PTK2: variants seen among roughly 807,000 people sequenced by gnomAD.
PTK2 encodes focal adhesion kinase 1.
PTK2 carries 45 observed loss-of-function variants against 150.1 expected under a neutral mutation model. The ratio of observed to expected loss-of-function variants is 0.30; its 90% confidence interval spans 0.24 to 0.38. PTK2 has a LOEUF of 0.38. Ranked by LOEUF, PTK2 falls within the 10% of genes least tolerant of loss-of-function variation. The pLI, the probability that PTK2 is intolerant of heterozygous loss-of-function variation, is 1.00. For missense variants in PTK2, 919 were observed against 1,307.3 expected (o/e 0.70, Z 4.58); for synonymous variants, 432 against 449.2 (o/e 0.96, Z 0.48).
chr8:140,818,251 T>C (rs894016535), intron 10 of PTK2, 26 bp downstream of exon 10: 1 of 1,582,474 alleles, frequency 6.3e-7, no homozygotes, highest in Non-Finnish European at 8.7e-7. Context: ...TAACGCCAAG[T>C]TCCCGAAAGG....
intron 1 of PTK2, among the ~76,000 whole-genome samples, chr8:140,973,598 C>T (rs1282904664): frequency 2.0e-5 from 3 of 152,078 alleles, no homozygotes; most frequent in African/African-American, 7.2e-5. Context: ...AGCTCTTTGC[C>T]AACCACATAA....
Position 140,869,257 on chromosome 8 carries a change from CAACT to C in PTK2, c.363-4862_363-4859del, listed in dbSNP as rs373267266. On this transcript the variant is annotated intron_variant, in intron 4 of 31. Transcript: ENST00000522684. ...CCTCAATGAACACGCATCTGCAAGT[CAACT>C]AACTGACTGGCAGCTTCTTCTTTAA... Among the ~76,000 whole-genome samples, 702 of 152,228 alleles carry C rather than the reference CAACT, an allele frequency of 4.6e-3. 4 individuals are homozygous for C. Among genetic ancestry groups the C allele is most frequent in the African/African-American group, 0.016 (650 of 41,530 alleles).
At chr8:140,953,082 A>C (rs562909416) in intron 1 of PTK2, among the ~76,000 whole-genome samples, 22 of 152,178 alleles carry the variant, frequency 1.4e-4, no homozygotes, top group Non-Finnish European at 3.1e-4. Context: ...AATTTGATTA[A>C]AATTAAGGAG....
intron 14 of PTK2, among the ~76,000 whole-genome samples, chr8:140,774,578 C>G (rs983450892): frequency 1.3e-5 from 2 of 152,004 alleles, no homozygotes; most frequent in Admixed American, 1.3e-4. Context: ...AATAGGGGCT[C>G]GGTAAAATAA....
At position 140,761,271 on chromosome 8, in the gene PTK2, CAT is replaced by C; in HGVS notation, c.1235-11_1235-10del. ...AATCTCATAATCCCTGGCTGTAAAACATAATTCACACATCAATACTTAAGTAA... is the reference window on the plus strand; with the variant it reads ...AATCTCATAATCCCTGGCTGTAAAACAATTCACACATCAATACTTAAGTAA... On this transcript the variant is annotated splice_polypyrimidine_tract_variant and intron_variant, in intron 15 of 31. Coordinates refer to ENST00000522684, the Ensembl canonical transcript of PTK2. 2 of 1,572,384 alleles carry C rather than the reference CAT, an allele frequency of 1.3e-6. No individual in the cohort carries two copies. The highest frequency in any genetic ancestry group is 1.8e-6 in the Non-Finnish European group (2 of 1,142,580).
At chr8:140,661,520 G>C (rs1023654506) in intron 31 of PTK2, among the ~76,000 whole-genome samples, 2 of 152,244 alleles carry the variant, frequency 1.3e-5, no homozygotes, top group African/African-American at 4.8e-5. Context: ...TTGGAGATCA[G>C]AGCTCAGGGC....
At chr8:140,941,215 A>G (rs984102450) in intron 1 of PTK2, among the ~76,000 whole-genome samples, 2 of 152,192 alleles carry the variant, frequency 1.3e-5, no homozygotes, top group Non-Finnish European at 2.9e-5. Context: ...ATTCCCAGAG[A>G]AAAATACAGG....
intron 30 of PTK2, among the ~76,000 whole-genome samples, chr8:140,666,455 A>T (rs1056189688): frequency 6.6e-6 from 1 of 152,168 alleles, no homozygotes; most frequent in African/African-American, 2.4e-5. Context: ...AAAAAACTTG[A>T]CATTTTTCCA....
chr8:140,925,075 T>C (rs1411206506), intron 2 of PTK2, among the ~76,000 whole-genome samples: 1 of 152,052 alleles, frequency 6.6e-6, no homozygotes, highest in South Asian at 2.1e-4. Flanking sequence ...CAAAAGCAGT[T>C]CACAAAATAC....
chr8:140,788,538 G>C (rs977572405), intron 14 of PTK2, among the ~76,000 whole-genome samples: 2 of 152,090 alleles, frequency 1.3e-5, no homozygotes, highest in Non-Finnish European at 2.9e-5. Flanking sequence ...ACAAAAGTGA[G>C]CAGGGTGTGG....
chr8:140,927,546 A>T (rs1173257632), intron 1 of PTK2: 1 of 152,206 alleles, frequency 6.6e-6, no homozygotes, highest in Non-Finnish European at 1.5e-5. Context: ...CTTGTGGTGA[A>T]TGTAAATCCC....
intron 5 of PTK2, among the ~76,000 whole-genome samples, chr8:140,863,967 C>A (rs2100137803): frequency 6.6e-6 from 1 of 152,126 alleles, no homozygotes. Context: ...CAAAGCAGAT[C>A]AATTTTATAT....
intron 5 of PTK2, among the ~76,000 whole-genome samples, chr8:140,848,661 A>T (rs919757284): frequency 4.6e-5 from 7 of 152,240 alleles, no homozygotes; most frequent in African/African-American, 1.4e-4. Context: ...AACTTCTACA[A>T]ATAGTAGAAG....
Position 140,977,406 on chromosome 8 carries a change from G to A in PTK2, c.-122+23719C>T, listed in dbSNP as rs769898024. Among the ~76,000 whole-genome samples the A allele has an allele frequency of 4.3e-4, 65 of 152,218 alleles. 2 individuals are homozygous for A. Among genetic ancestry groups the A allele is most frequent in the Non-Finnish European group, 1.6e-4 (11 of 68,010 alleles). On this transcript the variant is annotated intron_variant, in intron 1 of 31. Transcript: ENST00000522684. ...TGGGAGGCCAAAGTGGGCAGATCAC[G>A]AGGTCAGGAGATCGAGACCATCCTG... is the stretch of plus-strand genomic sequence containing the variant.
chr8:140,687,794 C>T (rs915121499), intron 26 of PTK2, among the ~76,000 whole-genome samples: 2 of 152,300 alleles, frequency 1.3e-5, no homozygotes, highest in Middle Eastern at 6.8e-3. Context: ...GTGAAGGACA[C>T]GGCCACCATT....
chr8:140,813,847 GC>G (rs1267287626), intron 10 of PTK2, among the ~76,000 whole-genome samples: 4 of 151,854 alleles, frequency 2.6e-5, no homozygotes, highest in Non-Finnish European at 5.9e-5. Context: ...AACCATTCCT[GC>G]CTGTTGCTAA....
chr8:140,828,875 T>C (rs1193287929), intron 8 of PTK2, among the ~76,000 whole-genome samples: 1 of 152,186 alleles, frequency 6.6e-6, no homozygotes, highest in Non-Finnish European at 1.5e-5. Context: ...AGGACACAAT[T>C]GTGTCATTCT....
At chr8:140,917,722 A>T (rs534701826) in intron 2 of PTK2, among the ~76,000 whole-genome samples, 1 of 152,344 alleles carries the variant, frequency 6.6e-6, no homozygotes, top group East Asian at 1.9e-4. Flanking sequence ...TATGTCAACT[A>T]TTTGTCAAGA....
chr8:140,985,148 G>A (rs988587108), intron 1 of PTK2, among the ~76,000 whole-genome samples: 14 of 151,686 alleles, frequency 9.2e-5, no homozygotes, highest in African/African-American at 3.2e-4. Context: ...TGTGAGATGC[G>A]GGTTTCAGTC....
Sources: gnomAD v4.1 joint callset for allele counts (sites outside exome capture counted in the v4.1 genomes callset) on GRCh38, gnomAD v4.1.1 for gene constraint, MANE v1.5 for transcripts, NCBI Gene and HGNC (gene_info 2026-07-23, HGNC 2026-07-21) for gene names.